The following ST3GAL1 variants were observed in gnomAD, a reference collection of about 807,000 sequenced individuals.
ST3GAL1 encodes the protein CMP-N-acetylneuraminate-beta-galactosamide-alpha-2,3-sialyltransferase 1.
Under a neutral mutation model 34.1 loss-of-function variants are expected in ST3GAL1, and 16 were observed. The observed-to-expected ratio is 0.47, with a 90% CI of 0.32 to 0.71. The LOEUF (loss-of-function observed/expected upper bound fraction) is 0.71, where lower values mean the gene tolerates loss of function less well. ST3GAL1 is among the 30% of genes least tolerant of loss of function. The probability of loss-of-function intolerance (pLI) is 0.04; values close to 1 mark genes in which losing one functional copy is unlikely to be tolerated. For synonymous variants in ST3GAL1, 191 were observed against 184.7 expected (o/e 1.03, Z -0.28); for missense variants, 353 against 447.4 (o/e 0.79, Z 1.90).
chr8:133,523,378 C>G (rs1276408474), intron 2 of ST3GAL1, among the ~76,000 whole-genome samples: 1 of 152,310 alleles, frequency 6.6e-6, no homozygotes, highest in Non-Finnish European at 1.5e-5. Flanking sequence ...AGAGATTCCA[C>G]AGCCAAACCA....
chr8:133,512,144 G>A (rs112522946), intron 2 of ST3GAL1, among the ~76,000 whole-genome samples: 4 of 152,266 alleles, frequency 2.6e-5, no homozygotes, highest in African/African-American at 9.6e-5. Context: ...TGAAAATCAA[G>A]GAAACCAGTG....
intron 2 of ST3GAL1, among the ~76,000 whole-genome samples, chr8:133,523,444 C>T (rs1482512595): frequency 1.3e-5 from 2 of 152,232 alleles, no homozygotes. Flanking sequence ...GCAAGTAACT[C>T]AACCTCCCTG....
intron 2 of ST3GAL1, among the ~76,000 whole-genome samples, chr8:133,527,685 T>G (rs144465453): frequency 6.6e-6 from 1 of 152,328 alleles, no homozygotes; most frequent in Non-Finnish European, 1.5e-5. Flanking sequence ...GAGAACTATA[T>G]GCCAGGACTC....
At chr8:133,460,564 C>G (rs577673101) in intron 9 of ST3GAL1, among the ~76,000 whole-genome samples, 12 of 152,194 alleles carry the variant, frequency 7.9e-5, no homozygotes, top group Non-Finnish European at 1.2e-4. Context: ...TATTCTGAGC[C>G]CAGCACCCTG....
At chr8:133,553,987 C>T (rs932393721) in intron 1 of ST3GAL1, among the ~76,000 whole-genome samples, 1 of 152,074 alleles carries the variant, frequency 6.6e-6, no homozygotes, top group African/African-American at 2.4e-5. Flanking sequence ...GTGTCCGGGG[C>T]CTTATTGCTT....
At chr8:133,531,025 G>A (rs1167503563) in intron 2 of ST3GAL1, among the ~76,000 whole-genome samples, 2 of 152,154 alleles carry the variant, frequency 1.3e-5, no homozygotes, top group South Asian at 2.1e-4. Context: ...ACCTGTATCT[G>A]GACTCCCACA....
chr8:133,515,496 T>C (rs1219589282), intron 2 of ST3GAL1: 1 of 152,162 alleles, frequency 6.6e-6, no homozygotes, highest in African/African-American at 2.4e-5. Flanking sequence ...TTCTCATTGT[T>C]TAAAAGAGCC....
intron 3 of ST3GAL1, among the ~76,000 whole-genome samples, chr8:133,480,182 A>C (rs1816329429): frequency 6.6e-6 from 1 of 152,216 alleles, no homozygotes; most frequent in Admixed American, 6.5e-5. Context: ...CAATACGAGG[A>C]GGCATGAAGC....
rs552696378 is a variant in ST3GAL1, at chr8:133,565,409, G to A, written c.-582+6284C>T. On this transcript the variant is annotated intron_variant, in intron 1 of 9. Transcript: ENST00000522652. ...GGCCTTGTGGTCTCTCTCTTCCAGA[G>A]GCTTCTGGCAACTATTGCGATGCTC... Among the ~76,000 whole-genome samples the A allele has an allele frequency of 9.9e-5, 15 of 152,222 alleles. No homozygotes were observed. In the East Asian group the frequency reaches 2.9e-3, roughly 29 times the overall value.
Position 133,545,600 on chromosome 8 carries a change from TTCC to T in ST3GAL1, c.-429+171_-429+173del, listed in dbSNP as rs1818653816. On this transcript the variant is annotated intron_variant, in intron 2 of 9. Coordinates refer to ENST00000522652, the MANE Select transcript of ST3GAL1 (RefSeq NM_173344.3). ...TCTCCTGAGGGACACTGTATTCCCC[TTCC>T]ATGGGAACTCCTCTTAATGGCACGT... 5.3e-5 allele frequency among the ~76,000 whole-genome samples: 8 copies of T among 152,336 alleles called. No individual in the cohort carries two copies. The South Asian group carries it at 1.7e-3, about 32-fold the overall frequency.
Position 133,499,134 on chromosome 8 carries a change from C to G in ST3GAL1, c.-374+1G>C, listed in dbSNP as rs1369069265. On this transcript the variant is annotated splice_donor_variant, in intron 3 of 9. Coordinates refer to ENST00000522652, the MANE Select transcript of ST3GAL1 (RefSeq NM_173344.3). LOFTEE classifies it low-confidence loss of function (5UTR_SPLICE). The stretch of plus-strand genomic sequence containing the variant: ...GTTCGAATCCCAGCTCTGCCACTTA[C>G]CGGCTGTGTGACCTCAGTGGAGTCT... 6.6e-6 allele frequency: 1 copy of G among 152,254 alleles called. No individual in the cohort carries two copies. The highest frequency in any genetic ancestry group is 1.5e-5 in the Non-Finnish European group (1 of 68,058). 9.4% of individuals were successfully genotyped at this position (152,254 alleles called of 1,614,324 possible).
In ST3GAL1 at chr8:133,469,815, C is replaced by A. The variant is rs377171453; in HGVS notation, c.307-3725G>T. 1.3e-5 allele frequency among the ~76,000 whole-genome samples: 2 copies of A among 152,274 alleles called. No individual in the cohort carries two copies. Among genetic ancestry groups the A allele is most frequent in the East Asian group, 3.9e-4 (2 of 5,168 alleles). On this transcript the variant is annotated intron_variant, in intron 5 of 9. Transcript: ENST00000522652. The surrounding 1 kb of genome is among the most constrained non-coding windows in gnomAD (Gnocchi z 4.3). ...GAAATGACCTCCGGGCTCTGTGATG[C>A]GACTTTCTCTAGTGCCCTGCCTCAC...
At chr8:133,539,920 G>A (rs1586652990) in intron 2 of ST3GAL1, among the ~76,000 whole-genome samples, 1 of 152,110 alleles carries the variant, frequency 6.6e-6, no homozygotes, top group Admixed American at 6.5e-5. Flanking sequence ...AATAAAACAA[G>A]GAAACAAATA....
At chr8:133,485,910 G>T (rs1407960163) in intron 3 of ST3GAL1, among the ~76,000 whole-genome samples, 5 of 152,176 alleles carry the variant, frequency 3.3e-5, no homozygotes, top group Admixed American at 6.5e-5. Flanking sequence ...TCCATAAAGC[G>T]GGGGTTAAAA....
rs142519534 is a variant in ST3GAL1 at position 133,493,051 on chromosome 8, G to A, written c.-374+6084C>T. Among the ~76,000 whole-genome samples, 104 of 152,290 alleles carry A rather than the reference G, an allele frequency of 6.8e-4. 1 individual carries two copies. Among genetic ancestry groups the A allele is most frequent in the Non-Finnish European group, 8.2e-4 (56 of 68,024 alleles). On this transcript the variant is annotated intron_variant, in intron 3 of 9. Coordinates refer to ENST00000522652, the MANE Select transcript of ST3GAL1 (RefSeq NM_173344.3). ...CTAGAGACAGCTCTGTCCCAGCTCT[G>A]TCTGAGCTGGCCACCAGGTAGGCAT...
chr8:133,527,710 G>A lies in ST3GAL1; in HGVS notation c.-429+18064C>T, dbSNP rs139452292. Among the ~76,000 whole-genome samples the A allele has an allele frequency of 6.8e-4, 103 of 152,306 alleles. 1 individual carries two copies. The highest frequency in any genetic ancestry group is 6.8e-3 in the Middle Eastern group (2 of 294). On this transcript the variant is annotated intron_variant, in intron 2 of 9. Transcript: ENST00000522652. ...TGCCAGGACTCAGCCCATGGCTCAC[G>A]CAGAGCTGGAGAAGATCTGGGGGAA...
rs1324022963 is a variant in ST3GAL1 at position 133,469,644 on chromosome 8, G to A, written c.307-3554C>T. Among the ~76,000 whole-genome samples, 2 of 152,178 alleles carry A rather than the reference G, an allele frequency of 1.3e-5. No homozygotes were observed. Among genetic ancestry groups the A allele is most frequent in the Admixed American group, 6.5e-5 (1 of 15,278 alleles). On this transcript the variant is annotated intron_variant, in intron 5 of 9. Coordinates refer to ENST00000522652, the MANE Select transcript of ST3GAL1 (RefSeq NM_173344.3). This position sits in a 1 kb window ranked among gnomAD's most constrained non-coding sequence, Gnocchi z 4.3. The stretch of plus-strand genomic sequence containing the variant: ...CAATGAAAACAAAACTACTGTATTC[G>A]GTTGCAGCTCTACCCTGCTGCCTGC...
intron 2 of ST3GAL1, among the ~76,000 whole-genome samples, chr8:133,511,057 C>G (rs1817487619): frequency 1.3e-5 from 2 of 152,236 alleles, no homozygotes; most frequent in Non-Finnish European, 1.5e-5. Context: ...AAAACCTCGT[C>G]ATTTTCCTTC....
chr8:133,528,195 A>G (rs1280429157), intron 2 of ST3GAL1, among the ~76,000 whole-genome samples: 1 of 151,906 alleles, frequency 6.6e-6, no homozygotes, highest in Non-Finnish European at 1.5e-5. Flanking sequence ...AAAAAAAATT[A>G]CCCAGAAATG....
Sources: gnomAD v4.1 joint callset for allele counts (sites outside exome capture counted in the v4.1 genomes callset) on GRCh38, gnomAD v4.1.1 for gene constraint, Gnocchi (gnomAD v3.1) non-coding constraint, MANE v1.5 for transcripts, NCBI Gene and HGNC (gene_info 2026-07-23, HGNC 2026-07-21) for gene names.